P2RY12: variants seen among roughly 807,000 people sequenced by gnomAD.
P2RY12 encodes purinergic receptor P2Y12, also known as P2Y purinoceptor 12.
Under a neutral mutation model 4.5 loss-of-function variants are expected in P2RY12, and 3 were observed. The observed-to-expected ratio is 0.67, with a 90% CI of 0.31 to 1.74. The LOEUF (loss-of-function observed/expected upper bound fraction) is 1.74. Among genes scored for constraint, P2RY12 ranks in the 40% most tolerant of loss-of-function variants. The pLI, the probability that P2RY12 is intolerant of heterozygous loss-of-function variation, is 0.09. For synonymous variants in P2RY12, 148 were observed against 154.1 expected (o/e 0.96, Z 0.29); for missense variants, 356 against 407.8 (o/e 0.87, Z 1.09).
intron 1 of P2RY12, among the ~76,000 whole-genome samples, chr3:151,382,898 T>C (rs1487738145): frequency 6.6e-6 from 1 of 152,186 alleles, no homozygotes; most frequent in Non-Finnish European, 1.5e-5. Context: ...TTCTAAAGCC[T>C]TCTGTTTCCC....
chr3:151,367,993 A>C (rs1755499677), intron 1 of P2RY12, among the ~76,000 whole-genome samples: 2 of 152,186 alleles, frequency 1.3e-5, no homozygotes, highest in Non-Finnish European at 2.9e-5. Context: ...TTAAGGAAGC[A>C]CCAAGATTTC....
intron 1 of P2RY12, among the ~76,000 whole-genome samples, chr3:151,366,557 G>GAT (rs1204866942): frequency 4.6e-5 from 7 of 152,320 alleles, no homozygotes; most frequent in Non-Finnish European, 1.0e-4. Flanking sequence ...TTGCATCCAT[G>GAT]ATGTGTGTAT....
intron 1 of P2RY12, among the ~76,000 whole-genome samples, chr3:151,358,572 TTTG>T (rs1385901419): frequency 6.7e-5 from 10 of 149,880 alleles, no homozygotes; most frequent in Admixed American, 1.3e-4. Context: ...TTTTTTTGTT[TTTG>T]TTTTTTGTTT....
intron 1 of P2RY12, chr3:151,360,432 T>C (rs1343568397): frequency 1.9e-6 from 3 of 1,588,652 alleles, no homozygotes; most frequent in Non-Finnish European, 2.6e-6. Flanking sequence ...ACCCACATAG[T>C]ACAAATCTAT....
chr3:151,366,827 A>C (rs1755343582), intron 1 of P2RY12, among the ~76,000 whole-genome samples: 1 of 152,040 alleles, frequency 6.6e-6, no homozygotes, highest in African/African-American at 2.4e-5. Flanking sequence ...AAGAGACTTA[A>C]ATTTTTATCT....
At chr3:151,369,835 T>C (rs1178183722) in intron 1 of P2RY12, among the ~76,000 whole-genome samples, 2 of 152,088 alleles carry the variant, frequency 1.3e-5, no homozygotes, top group Non-Finnish European at 2.9e-5. Flanking sequence ...ACCCACAGGG[T>C]TGTTTTGCCT....
At position 151,355,254 on chromosome 3, in the gene P2RY12, CT is replaced by C. The variant is rs1230759524; in HGVS notation, c.-179-14495del. ...TGACATCTCAGGTAGCTATTTAAAG[CT>C]GTTTATTATGCATTTGCAGTATTCT... On this transcript the variant is annotated intron_variant, in intron 1 of 2. Transcript: ENST00000302632. 1.9e-6 allele frequency: 3 copies of C among 1,559,118 alleles called. No individual in the cohort carries two copies. In the South Asian group the frequency reaches 3.4e-5, roughly 18 times the overall value.
chr3:151,337,768 A>T lies in P2RY12; in HGVS notation c.*49T>A. ...ATATTTTTACTTAGCGCTTTGCTTT[A>T]ACGAGTTCTGAACACAAAGAGATTG... On this transcript the variant is annotated 3_prime_UTR_variant, in exon 3 of 3. Transcript: ENST00000302632. 2 of 1,576,718 alleles carry T rather than the reference A, an allele frequency of 1.3e-6. No individual in the cohort carries two copies. The highest frequency in any genetic ancestry group is 1.7e-6 in the Non-Finnish European group (2 of 1,148,354).
In P2RY12 at chr3:151,377,933, C is replaced by T. The variant is rs375916407; in HGVS notation, c.-180+6759G>A. On this transcript the variant is annotated intron_variant, in intron 1 of 2. Transcript: ENST00000302632. ...CTGTGTGTCTCATACATCAAAGTTT[C>T]GCTTTGGAGTTTCTGTTATAACTGT... 282 of 1,369,402 alleles carry T rather than the reference C, an allele frequency of 2.1e-4. 2 individuals are homozygous for T. The East Asian group carries it at 5.4e-3, about 26-fold the overall frequency. The allele number at this position is 1,369,402 out of a possible 1,614,324, so 84.8% of individuals were successfully genotyped here.
chr3:151,351,191 G>A (rs553159147), intron 1 of P2RY12, among the ~76,000 whole-genome samples: 1 of 152,264 alleles, frequency 6.6e-6, no homozygotes, highest in South Asian at 2.1e-4. Context: ...GTCCACCCTA[G>A]ATCTTTACTA....
intron 1 of P2RY12, among the ~76,000 whole-genome samples, chr3:151,357,552 G>A (rs1754079298): frequency 2.0e-5 from 3 of 152,166 alleles, no homozygotes; most frequent in Admixed American, 2.0e-4. Context: ...TGTAAAGTAT[G>A]TTCTTTCTAA....
At chr3:151,382,586 A>G in intron 1 of P2RY12, 2 of 1,104,672 alleles carry the variant, frequency 1.8e-6, no homozygotes, top group South Asian at 1.5e-5. Flanking sequence ...TGCTATCAGT[A>G]TAAAGCTCAA....
At chr3:151,378,703 C>G (rs182799713) in intron 1 of P2RY12, among the ~76,000 whole-genome samples, 1 of 151,676 alleles carries the variant, frequency 6.6e-6, no homozygotes, top group African/African-American at 2.4e-5. Flanking sequence ...ATTTGAAAAC[C>G]GTGTTACTGA....
At chr3:151,378,248 G>T in intron 1 of P2RY12, 1 of 1,398,396 alleles carries the variant, frequency 7.2e-7, no homozygotes, top group Non-Finnish European at 9.5e-7. Context: ...GTAAACCTGT[G>T]TGGTCACTGT....
At chr3:151,355,993 T>C (rs1202800723) in intron 1 of P2RY12, 1 of 1,614,154 alleles carries the variant, frequency 6.2e-7, no homozygotes, top group African/African-American at 1.3e-5. Context: ...TTTGATCTCA[T>C]GGAGCCAGCA....
At chr3:151,382,593 T>C (rs1208731622) in intron 1 of P2RY12, 6 of 1,200,122 alleles carry the variant, frequency 5.0e-6, no homozygotes, top group Non-Finnish European at 7.2e-6. Flanking sequence ...AGTATAAAGC[T>C]CAATTTATCT....
At chr3:151,353,407 G>A (rs1753489668) in intron 1 of P2RY12, among the ~76,000 whole-genome samples, 2 of 152,142 alleles carry the variant, frequency 1.3e-5, no homozygotes, top group Non-Finnish European at 2.9e-5. Flanking sequence ...AATAGACATT[G>A]AAAAAATAAG....
rs1273326735 is a variant in P2RY12 at position 151,338,188 on chromosome 3, A to G, written c.658T>C (p.Tyr220His). Reference protein sequence around the residue: ...TLITKELYRSYVRTRGVGKVP... With the variant: ...TLITKELYRSHVRTRGVGKVP... The stretch of plus-strand genomic sequence containing the variant: ...TTACCTACACCCCTCGTTCTTACGT[A>G]TGACCGGTACAGTTCTTTTGTAATG... The change falls in exon 3 of 3, where the codon TAC (tyrosine) becomes CAC (histidine). Residue 220 changes from tyrosine (Y) to histidine (H), a missense_variant. By Grantham distance (83) the Tyr-to-His change is moderately conservative. Coordinates refer to ENST00000302632, the MANE Select transcript of P2RY12 (RefSeq NM_022788.5). 18 of 1,614,096 alleles carry G rather than the reference A, an allele frequency of 1.1e-5. No individual in the cohort carries two copies. Among genetic ancestry groups the G allele is most frequent in the East Asian group, 2.2e-5 (1 of 44,884 alleles).
intron 1 of P2RY12, among the ~76,000 whole-genome samples, chr3:151,342,397 A>G (rs970898456): frequency 3.3e-5 from 5 of 152,138 alleles, no homozygotes; most frequent in Non-Finnish European, 5.9e-5. Context: ...GTATTTGTCT[A>G]TGTCTTTACA....
Sources: gnomAD v4.1 joint callset for allele counts (sites outside exome capture counted in the v4.1 genomes callset) on GRCh38, gnomAD v4.1.1 for gene constraint, MANE v1.5 for transcripts, NCBI Gene and HGNC (gene_info 2026-07-23, HGNC 2026-07-21) for gene names.